The following USH2A variants were observed in gnomAD, a reference collection of about 807,000 sequenced individuals.
USH2A encodes Usher syndrome 2A (autosomal recessive, mild).
A neutral mutation model predicts 538.9 loss-of-function variants in USH2A; 443 were observed. The ratio of observed to expected loss-of-function variants is 0.82; its 90% confidence interval spans 0.76 to 0.89. The LOEUF (loss-of-function observed/expected upper bound fraction) is 0.89. Among genes scored for constraint, USH2A ranks in the 40% least tolerant of loss-of-function variants. The probability of loss-of-function intolerance (pLI) is 0.00; values close to 1 mark genes in which losing one functional copy is unlikely to be tolerated. For missense variants in USH2A, 6,633 were observed against 6,324.8 expected, an observed-to-expected ratio of 1.05 and a Z score of -1.65; for synonymous variants, 2,413 against 2,273.5, an observed-to-expected ratio of 1.06 and a Z score of -1.75.
chr1:216,176,149 G>C (rs777235342), intron 20 of USH2A, among the ~76,000 whole-genome samples: 32 of 152,102 alleles, frequency 2.1e-4, no homozygotes, highest in Non-Finnish European at 4.1e-4. Flanking sequence ...TTTTTAAAAA[G>C]ACTTTCATTA....
intron 11 of USH2A, among the ~76,000 whole-genome samples, chr1:216,281,205 TG>T: frequency 6.6e-6 from 1 of 151,558 alleles, no homozygotes. Flanking sequence ...ATAAACAATG[TG>T]GGGGTTTAAA....
chr1:215,972,126 A>T (rs932672312), intron 35 of USH2A, among the ~76,000 whole-genome samples: 3 of 152,180 alleles, frequency 2.0e-5, no homozygotes, highest in Non-Finnish European at 4.4e-5. Flanking sequence ...ACTACAAACT[A>T]CATTTCCAAC....
chr1:216,053,196 G>T (rs2030857394), intron 30 of USH2A, among the ~76,000 whole-genome samples: 1 of 152,128 alleles, frequency 6.6e-6, no homozygotes, highest in African/African-American at 2.4e-5. Context: ...AGACTTACCA[G>T]TTCAAGATAA....
intron 29 of USH2A, 137 bp downstream of exon 29, chr1:216,072,752 T>C: frequency 1.2e-6 from 1 of 829,962 alleles, no homozygotes; most frequent in Non-Finnish European, 2.1e-6. Context: ...GACAGATGTA[T>C]TTTCAAACCA....
intron 21 of USH2A, among the ~76,000 whole-genome samples, chr1:216,097,472 C>A (rs2032467911): frequency 6.6e-6 from 1 of 152,082 alleles, no homozygotes; most frequent in Non-Finnish European, 1.5e-5. Context: ...AACTCATCAA[C>A]CCAAAAAGAC....
At chr1:215,828,683 G>C (rs983592130) in intron 47 of USH2A, among the ~76,000 whole-genome samples, 21 of 152,162 alleles carry the variant, frequency 1.4e-4, no homozygotes, top group African/African-American at 4.6e-4. Flanking sequence ...AACTGATTTG[G>C]ATGTGAAAAA....
intron 4 of USH2A, among the ~76,000 whole-genome samples, chr1:216,357,789 C>T (rs972908393): frequency 2.6e-5 from 4 of 151,984 alleles, no homozygotes; most frequent in Admixed American, 6.6e-5. Flanking sequence ...ATTTTAAATC[C>T]AAAATTTGGA....
chr1:216,050,822 G>A (rs1178906391), intron 30 of USH2A, among the ~76,000 whole-genome samples: 1 of 151,208 alleles, frequency 6.6e-6, no homozygotes, highest in Non-Finnish European at 1.5e-5. Context: ...AGCCAGGATG[G>A]TCTCGATCTC....
chr1:215,776,465 G>A (rs892810656), intron 55 of USH2A, among the ~76,000 whole-genome samples: 3 of 152,014 alleles, frequency 2.0e-5, no homozygotes, highest in Admixed American at 6.6e-5. Flanking sequence ...AAGCATTTAC[G>A]GGATCATGTT....
intron 4 of USH2A, among the ~76,000 whole-genome samples, chr1:216,350,411 C>A (rs1477375132): frequency 2.0e-5 from 3 of 152,116 alleles, no homozygotes; most frequent in Non-Finnish European, 4.4e-5. Context: ...TGAGACAAGG[C>A]AATTCCCTTC....
chr1:215,982,977 T>C (rs1395710380), intron 35 of USH2A, among the ~76,000 whole-genome samples: 1 of 151,868 alleles, frequency 6.6e-6, no homozygotes, highest in Non-Finnish European at 1.5e-5. Context: ...TGAGATGGAG[T>C]TTTGTTCTTG....
chr1:216,140,494 G>T lies in USH2A; in HGVS notation c.4627+34758C>A, dbSNP rs186327381. ...AAAGAGAATGAAACTTTTACACGTG[G>T]CTGGCCCTATGAGTGCAGCCATAAT... On this transcript the variant is annotated intron_variant, in intron 21 of 71. Transcript: ENST00000307340. Among the ~76,000 whole-genome samples, 92 of 152,220 alleles carry T rather than the reference G, an allele frequency of 6.0e-4. 1 individual carries two copies. In the East Asian group the frequency reaches 0.014, roughly 24 times the overall value.
intron 37 of USH2A, among the ~76,000 whole-genome samples, chr1:215,938,772 G>A (rs1666565816): frequency 6.6e-6 from 1 of 152,092 alleles, no homozygotes; most frequent in South Asian, 2.1e-4. Context: ...GGCTTGGTCT[G>A]AGCCATTGGG....
At chr1:215,722,203 A>G (rs1427923211) in intron 61 of USH2A, among the ~76,000 whole-genome samples, 1 of 152,194 alleles carries the variant, frequency 6.6e-6, no homozygotes, top group Non-Finnish European at 1.5e-5. Context: ...ATCTCAGTTT[A>G]TAGAACCGAC....
intron 50 of USH2A, 128 bp from the exon 51 acceptor site, chr1:215,790,410 C>T (rs1258860988): frequency 4.3e-5 from 40 of 928,058 alleles, no homozygotes; most frequent in Non-Finnish European, 6.5e-5. Flanking sequence ...CCTAAGGTAG[C>T]ATTTCCCTAC....
intron 23 of USH2A, 106 bp downstream of exon 23, chr1:216,088,907 G>A (rs1481439202): frequency 1.3e-6 from 2 of 1,525,826 alleles, no homozygotes; most frequent in East Asian, 2.3e-5. Flanking sequence ...ATATGGAATT[G>A]AGTAGAAATT....
chr1:216,115,705 C>T (rs2032991762), intron 21 of USH2A, among the ~76,000 whole-genome samples: 1 of 151,652 alleles, frequency 6.6e-6, no homozygotes, highest in South Asian at 2.1e-4. Flanking sequence ...TATTCAATTC[C>T]AAAATAGATG....
At chr1:216,393,587 CA>C (rs1232833631) in intron 3 of USH2A, among the ~76,000 whole-genome samples, 1 of 151,930 alleles carries the variant, frequency 6.6e-6, no homozygotes, top group Admixed American at 6.6e-5. Flanking sequence ...AAATGGCAAT[CA>C]TTAACATTAT....
At chr1:216,119,179 T>C (rs937064292) in intron 21 of USH2A, among the ~76,000 whole-genome samples, 4 of 152,222 alleles carry the variant, frequency 2.6e-5, no homozygotes, top group African/African-American at 9.6e-5. Context: ...CCCAACCCCA[T>C]CACTAAATAG....
Sources: gnomAD v4.1 joint callset for allele counts (sites outside exome capture counted in the v4.1 genomes callset) on GRCh38, gnomAD v4.1.1 for gene constraint, MANE v1.5 for transcripts, NCBI Gene and HGNC (gene_info 2026-07-23, HGNC 2026-07-21) for gene names.